Variants in ST6GAL1 observed in about 807,000 individuals in gnomAD.
ST6GAL1 encodes beta-galactoside alpha-2,6-sialyltransferase 1.
A neutral mutation model predicts 38.0 loss-of-function variants in ST6GAL1; 20 were observed. The ratio of observed to expected loss-of-function variants is 0.53; its 90% CI spans 0.37 to 0.77. The LOEUF is 0.77. Among genes scored for constraint, ST6GAL1 ranks in the 30% least tolerant of loss-of-function variants. ST6GAL1 has a pLI of 0.00. For missense variants in ST6GAL1, 432 were observed against 496.4 expected, an observed-to-expected ratio of 0.87 and a Z score of 1.23; for synonymous variants, 196 against 188.2, an observed-to-expected ratio of 1.04 and a Z score of -0.34.
chr3:187,050,578 G>A (rs1190432041), intron 4 of ST6GAL1, among the ~76,000 whole-genome samples: 2 of 151,834 alleles, frequency 1.3e-5, no homozygotes, highest in Admixed American at 1.3e-4. Context: ...GGGAAGGAAG[G>A]AGGGAGGGAA....
chr3:187,059,872 G>A (rs1718850074), intron 5 of ST6GAL1, among the ~76,000 whole-genome samples: 1 of 152,202 alleles, frequency 6.6e-6, no homozygotes, highest in South Asian at 2.1e-4. Flanking sequence ...AAGAACTAGA[G>A]AAGAGAGTGG....
At chr3:186,977,870 G>T (rs910347509) in intron 2 of ST6GAL1, among the ~76,000 whole-genome samples, 3 of 152,170 alleles carry the variant, frequency 2.0e-5, no homozygotes, top group African/African-American at 7.2e-5. Context: ...TTAATTTTCA[G>T]TACAAGCCTT....
intron 1 of ST6GAL1, among the ~76,000 whole-genome samples, chr3:186,954,438 A>G (rs985281736): frequency 6.6e-6 from 1 of 152,198 alleles, no homozygotes; most frequent in Admixed American, 6.5e-5. Context: ...ACTAATTTAC[A>G]TTCCCACCAA....
At chr3:186,942,563 T>C (rs1714215789) in intron 1 of ST6GAL1, 2 of 152,212 alleles carry the variant, frequency 1.3e-5, no homozygotes, top group African/African-American at 2.4e-5. Context: ...TGGTCCTCTG[T>C]GCTGGAATCG....
chr3:187,064,431 T>G (rs1243901884), intron 5 of ST6GAL1: 1 of 441,318 alleles, frequency 2.3e-6, no homozygotes, highest in African/African-American at 2.0e-5. Context: ...ATAGCTCCCG[T>G]GGAATCAGAA....
chr3:186,939,712 G>A (rs979947576), intron 1 of ST6GAL1, among the ~76,000 whole-genome samples: 15 of 152,312 alleles, frequency 9.8e-5, no homozygotes, highest in Non-Finnish European at 1.8e-4. Flanking sequence ...AGCCTCACCA[G>A]AATGCATTCA....
chr3:186,979,457 G>C (rs1462624247), intron 2 of ST6GAL1, among the ~76,000 whole-genome samples: 3 of 152,148 alleles, frequency 2.0e-5, no homozygotes, highest in Non-Finnish European at 4.4e-5. Flanking sequence ...CTTCCCAAGA[G>C]AGGAACTCCT....
intron 2 of ST6GAL1, among the ~76,000 whole-genome samples, chr3:187,019,895 G>C (rs1243734955): frequency 6.6e-6 from 1 of 152,232 alleles, no homozygotes; most frequent in Non-Finnish European, 1.5e-5. Flanking sequence ...GGTCAATACA[G>C]TGATTAGCAA....
At chr3:186,984,940 G>A (rs1299230895) in intron 2 of ST6GAL1, among the ~76,000 whole-genome samples, 2 of 149,718 alleles carry the variant, frequency 1.3e-5, no homozygotes, top group East Asian at 2.0e-4. Context: ...ATAGGGTCTC[G>A]CTCTGTCACC....
At chr3:187,064,437 C>T (rs1169454747) in intron 5 of ST6GAL1, 1 of 443,184 alleles carries the variant, frequency 2.3e-6, no homozygotes, top group African/African-American at 2.0e-5. Flanking sequence ...CCCGTGGAAT[C>T]AGAATCTGAC....
chr3:186,952,382 C>T lies in ST6GAL1; in HGVS notation c.-324-11403C>T, dbSNP rs986028632. ...CAACTTTTGATACAATTGACCATTC[C>T]ATCCTCCTTGAAATAGTTTCTTCTC... is the stretch of plus-strand genomic sequence containing the variant. On this transcript the variant is annotated intron_variant, in intron 1 of 7. Coordinates refer to ENST00000169298, the MANE Select transcript of ST6GAL1 (RefSeq NM_173216.2). This position sits in a 1 kb window ranked among gnomAD's most constrained non-coding sequence, Gnocchi z 4.1. 6.6e-6 allele frequency among the ~76,000 whole-genome samples: 1 copy of T among 152,220 alleles called. No individual in the cohort carries two copies. Among genetic ancestry groups the T allele is most frequent in the African/African-American group, 2.4e-5 (1 of 41,452 alleles).
intron 1 of ST6GAL1, among the ~76,000 whole-genome samples, chr3:186,945,974 G>A (rs1277049392): frequency 1.1e-3 from 126 of 113,616 alleles, no homozygotes; most frequent in African/African-American, 4.0e-3. Flanking sequence ...TTGGGTGACA[G>A]AGCAAGACTC....
At chr3:187,062,458 C>T (rs576418149) in intron 5 of ST6GAL1, among the ~76,000 whole-genome samples, 82 of 152,066 alleles carry the variant, frequency 5.4e-4, no homozygotes, top group African/African-American at 1.8e-3. Context: ...TGAATGGATA[C>T]ACAAAAGCTG....
chr3:187,064,857 C>T (rs530306241), intron 5 of ST6GAL1, among the ~76,000 whole-genome samples: 12 of 152,300 alleles, frequency 7.9e-5, no homozygotes, highest in Admixed American at 2.6e-4. Context: ...GATTAGTAAA[C>T]GGGGTCCCCA....
intron 2 of ST6GAL1, among the ~76,000 whole-genome samples, chr3:187,009,292 T>C (rs1716881633): frequency 6.6e-6 from 1 of 152,152 alleles, no homozygotes; most frequent in South Asian, 2.1e-4. Flanking sequence ...TTTTTAAAGG[T>C]ACATAATTAC....
At chr3:186,993,472 CAG>C (rs1444373590) in intron 2 of ST6GAL1, among the ~76,000 whole-genome samples, 2 of 152,230 alleles carry the variant, frequency 1.3e-5, no homozygotes, top group Non-Finnish European at 2.9e-5. Context: ...CAAAACTAAA[CAG>C]AGGTGCAGAT....
intron 5 of ST6GAL1, among the ~76,000 whole-genome samples, chr3:187,060,834 A>G (rs947829293): frequency 6.6e-6 from 1 of 152,240 alleles, no homozygotes; most frequent in Non-Finnish European, 1.5e-5. Flanking sequence ...ATTTGTGGTC[A>G]GCTGCAGGCT....
At chr3:186,981,617 T>C (rs767285539) in intron 2 of ST6GAL1, among the ~76,000 whole-genome samples, 2 of 152,216 alleles carry the variant, frequency 1.3e-5, no homozygotes, top group African/African-American at 4.8e-5. Flanking sequence ...TTATCTCTTA[T>C]TAGCATTCCA....
chr3:187,011,294 C>T (rs781567688), intron 2 of ST6GAL1, among the ~76,000 whole-genome samples: 3 of 152,140 alleles, frequency 2.0e-5, no homozygotes, highest in Non-Finnish European at 4.4e-5. Context: ...CCACCGTGCC[C>T]GGAGAAAAAG....
Sources: allele counts gnomAD v4.1 joint callset (sites outside exome capture counted in the v4.1 genomes callset), GRCh38; gene constraint gnomAD v4.1.1; non-coding constraint Gnocchi (gnomAD v3.1); transcripts MANE v1.5; gene names NCBI Gene and HGNC (gene_info 2026-07-23, HGNC 2026-07-21).